Variants in PLCG2 observed in about 807,000 individuals in gnomAD.
The protein encoded by PLCG2 is 1-phosphatidylinositol 4,5-bisphosphate phosphodiesterase gamma-2.
Under a neutral mutation model 175.6 loss-of-function variants are expected in PLCG2, and 69 were observed. The observed-to-expected ratio is 0.39, with a 90% CI of 0.32 to 0.48. PLCG2 has a LOEUF of 0.48. Ranked by LOEUF, PLCG2 falls within the 20% of genes least tolerant of loss-of-function variation. PLCG2 has a pLI of 0.91. For synonymous variants in PLCG2, 827 were observed against 624.0 expected (o/e 1.33, Z -4.85); for missense variants, 1,798 against 1,650.9 (o/e 1.09, Z -1.54).
At chr16:81,945,516 T>G (rs747268131) in intron 30 of PLCG2, among the ~76,000 whole-genome samples, 1 of 152,244 alleles carries the variant, frequency 6.6e-6, no homozygotes, top group Non-Finnish European at 1.5e-5. Flanking sequence ...TGTGTTCTTT[T>G]ATACTAAAAC....
chr16:81,958,072 C>A lies in PLCG2; in HGVS notation c.*74C>A. The stretch of plus-strand genomic sequence containing the variant: ...TGCATGTAGGAGAACGTGCCCTATT[C>A]ACACTCTGGGAAGACGCTAATCTGT... On this transcript the variant is annotated 3_prime_UTR_variant, in exon 33 of 33. Transcript: ENST00000564138. 2 of 1,062,456 alleles carry A rather than the reference C, an allele frequency of 1.9e-6. No homozygotes were observed. Among genetic ancestry groups the A allele is most frequent in the South Asian group, 1.3e-5 (1 of 78,582 alleles). The allele number at this position is 1,062,456 out of a possible 1,614,324, so 65.8% of individuals were successfully genotyped here.
chr16:81,876,027 T>C (rs1008007775), intron 7 of PLCG2, among the ~76,000 whole-genome samples: 4 of 145,452 alleles, frequency 2.8e-5, no homozygotes, highest in Non-Finnish European at 6.1e-5. Flanking sequence ...TTTTTTTTTT[T>C]TTTTTTTTTT....
intron 7 of PLCG2, among the ~76,000 whole-genome samples, chr16:81,878,595 T>A (rs919530133): frequency 6.6e-6 from 1 of 152,232 alleles, no homozygotes; most frequent in Non-Finnish European, 1.5e-5. Context: ...CCCTTCTTCC[T>A]ACTGTCTCTT....
In PLCG2 at chr16:81,889,222, C is replaced by T. The variant is rs960028596; in HGVS notation, c.816C>T (p.Phe272=). ...AAGTCCGTGAGCGGATGACAAAGTTCATTGATGACACCATGCGTGAAACTG... is the reference window on the plus strand; with the variant it reads ...AAGTCCGTGAGCGGATGACAAAGTTTATTGATGACACCATGCGTGAAACTG... ...LNKVRERMTK[F]IDDTMRETAE... Residue 272 remains phenylalanine, a synonymous_variant, in exon 10 of 33, where the codon TTC becomes TTT. Transcript: ENST00000564138. 1.2e-6 allele frequency: 2 copies of T among 1,606,500 alleles called. No homozygotes were observed. The highest frequency in any genetic ancestry group is 1.3e-5 in the African/African-American group (1 of 74,078).
At chr16:81,949,256 C>G (rs1309264149) in intron 31 of PLCG2, among the ~76,000 whole-genome samples, 2 of 152,146 alleles carry the variant, frequency 1.3e-5, no homozygotes, top group Non-Finnish European at 2.9e-5. Context: ...AAGTGTTTCT[C>G]TAATCTGCTG....
chr16:81,916,950 T>A (rs1169285648), intron 19 of PLCG2, among the ~76,000 whole-genome samples: 2 of 152,206 alleles, frequency 1.3e-5, no homozygotes, highest in Admixed American at 1.3e-4. Flanking sequence ...GACTTTGTTA[T>A]TGACTATAGT....
rs1048773758 is a variant in PLCG2, at chr16:81,786,190, C to T, written c.193+8C>T. On this transcript the variant is annotated splice_region_variant and intron_variant, in intron 2 of 32. Coordinates refer to ENST00000564138, the MANE Select transcript of PLCG2 (RefSeq NM_002661.5). ...ACAAGATCGAGGGCTTCTGTGAGTA[C>T]TCGCTGGGTGGGGCAGTGTGGCCCG... 4.3e-6 allele frequency: 7 copies of T among 1,612,024 alleles called. No homozygotes were observed. Among genetic ancestry groups the T allele is most frequent in the African/African-American group, 1.3e-5 (1 of 74,918 alleles).
intron 2 of PLCG2, among the ~76,000 whole-genome samples, chr16:81,759,045 T>C (rs533849867): frequency 1.2e-4 from 19 of 152,210 alleles, no homozygotes; most frequent in Admixed American, 4.6e-4. Flanking sequence ...GGTTTTAATT[T>C]ACATTTCCCA....
intron 2 of PLCG2, among the ~76,000 whole-genome samples, chr16:81,790,796 C>T (rs1911197352): frequency 6.6e-6 from 1 of 151,998 alleles, no homozygotes; most frequent in Admixed American, 6.6e-5. Context: ...GGGTAGGGGG[C>T]ATTTGGCAAA....
rs140532877 is a variant in PLCG2, at chr16:81,866,367, C to T, written c.480-2847C>T. On this transcript the variant is annotated intron_variant, in intron 5 of 32. Transcript: ENST00000564138. Reference sequence around the variant, plus strand: ...GCCTCTCCCTTGCTCCCAGGTTGAGCTCCACTGGGGCACCAGCATGAGAGG... The same window carrying T: ...GCCTCTCCCTTGCTCCCAGGTTGAGTTCCACTGGGGCACCAGCATGAGAGG... Among the ~76,000 whole-genome samples, 784 of 131,684 alleles carry T rather than the reference C, an allele frequency of 6.0e-3. 11 individuals are homozygous for T. The highest frequency in any genetic ancestry group is 0.022 in the African/African-American group (744 of 34,032). 86.4% of individuals were successfully genotyped at this position (131,684 alleles called of 152,430 possible).
At chr16:81,792,480 C>CAAAAAAAAAAAAA (rs532680550) in intron 2 of PLCG2, among the ~76,000 whole-genome samples, 25 of 70,150 alleles carry the variant, frequency 3.6e-4, no homozygotes, top group Middle Eastern at 0.012. Context: ...GGCTCTGTCT[C>CAAAAAAAAAAAAA]AAAAAAAAAA....
At chr16:81,857,161 C>T (rs1018006834) in intron 3 of PLCG2, among the ~76,000 whole-genome samples, 2 of 152,170 alleles carry the variant, frequency 1.3e-5, no homozygotes, top group African/African-American at 4.8e-5. Context: ...TACTTTGGCA[C>T]CAGGCAGGTG....
intron 29 of PLCG2, 63 bp downstream of exon 29, chr16:81,938,978 T>A (rs1209345016): frequency 1.1e-6 from 1 of 910,656 alleles, no homozygotes; most frequent in Non-Finnish European, 1.8e-6. Context: ...TTTGTGGGAG[T>A]GCTCTTCGTG....
In PLCG2 at chr16:81,821,002, C is replaced by G. The variant is rs1339107296; in HGVS notation, c.194-33442C>G. ...GAACTCCTGACGTCAAATGATCCGC[C>G]CACCTCAGCCTCCTGAGTAGCTGGG... On this transcript the variant is annotated intron_variant, in intron 2 of 32. Coordinates refer to ENST00000564138, the MANE Select transcript of PLCG2 (RefSeq NM_002661.5). Among the ~76,000 whole-genome samples the G allele has an allele frequency of 1.2e-4, 18 of 151,660 alleles. 1 individual carries two copies. The highest frequency in any genetic ancestry group is 1.2e-3 in the Admixed American group (18 of 15,242).
At chr16:81,928,740 C>T (rs1025128172) in intron 24 of PLCG2, 116 bp downstream of exon 24, 79 of 714,042 alleles carry the variant, frequency 1.1e-4, no homozygotes, top group Middle Eastern at 2.4e-4. Flanking sequence ...AATGCCAGCT[C>T]CTTCCCTGGC....
chr16:81,788,382 G>A (rs1391666350), intron 2 of PLCG2, among the ~76,000 whole-genome samples: 1 of 152,168 alleles, frequency 6.6e-6, no homozygotes, highest in Non-Finnish European at 1.5e-5. Flanking sequence ...CCGGATTCAT[G>A]CCATTCTCCT....
chr16:81,792,761 C>T (rs146124551), intron 2 of PLCG2, among the ~76,000 whole-genome samples: 4,047 of 152,154 alleles, frequency 0.027, 74 homozygotes, highest in Middle Eastern at 0.041. Flanking sequence ...ATGGAGGTAA[C>T]CGGCCCTATG....
Position 81,900,759 on chromosome 16 carries a change from G to C in PLCG2, c.1341G>C (p.Leu447=), listed in dbSNP as rs1909114827. ...SADQLPSPSQ[L]REKIIIKHKK... is the part of the protein sequence containing the mutation. ...ACCAGCTGCCCTCGCCCAGCCAGCT[G>C]CGGGAGAAGATCATCATCAAGGTAG... Residue 447 remains leucine, a synonymous_variant, in exon 14 of 33, where the codon CTG becomes CTC. Transcript: ENST00000564138. 1 of 1,603,044 alleles carries C rather than the reference G, an allele frequency of 6.2e-7. No homozygotes were observed. The highest frequency in any genetic ancestry group is 8.5e-7 in the Non-Finnish European group (1 of 1,170,892).
chr16:81,801,261 G>A (rs1017546306), intron 2 of PLCG2, among the ~76,000 whole-genome samples: 1 of 152,122 alleles, frequency 6.6e-6, no homozygotes, highest in East Asian at 1.9e-4. Context: ...ATATAGTTAA[G>A]TTCTCATAAG....
Sources: gnomAD v4.1 joint callset for allele counts (sites outside exome capture counted in the v4.1 genomes callset) on GRCh38, gnomAD v4.1.1 for gene constraint, MANE v1.5 for transcripts, NCBI Gene and HGNC (gene_info 2026-07-23, HGNC 2026-07-21) for gene names.